Variants in ACSF2 observed in about 807,000 individuals in gnomAD.
ACSF2 encodes medium-chain acyl-CoA ligase ACSF2, mitochondrial.
Under a neutral mutation model 79.3 loss-of-function variants are expected in ACSF2, and 52 were observed. That is an observed-to-expected ratio of 0.66 (90% CI 0.53 to 0.83). The LOEUF is 0.83. Ranked by LOEUF, ACSF2 falls within the 40% of genes least tolerant of loss-of-function variation. The pLI is 0.00. For synonymous variants in ACSF2, 283 were observed against 312.6 expected (o/e 0.91, Z 1.00); for missense variants, 661 against 803.3 (o/e 0.82, Z 2.14).
At chr17:50,433,977 A>G (rs2030175679) in intron 1 of ACSF2, among the ~76,000 whole-genome samples, 1 of 151,794 alleles carries the variant, frequency 6.6e-6, no homozygotes, top group Admixed American at 6.6e-5. Flanking sequence ...CTTCTTATGT[A>G]TTTTCTGTAC....
At chr17:50,428,911 C>A (rs1457698016) in intron 1 of ACSF2, among the ~76,000 whole-genome samples, 1 of 152,250 alleles carries the variant, frequency 6.6e-6, no homozygotes, top group Admixed American at 6.5e-5. Flanking sequence ...CAGTCCTCAC[C>A]CTGCCAGGAA....
intron 1 of ACSF2, among the ~76,000 whole-genome samples, chr17:50,456,230 C>T (rs567906055): frequency 6.6e-6 from 1 of 152,284 alleles, no homozygotes; most frequent in South Asian, 2.1e-4. Flanking sequence ...GAGATCCAAA[C>T]CCCCAGGCTG....
intron 4 of ACSF2, 63 bp from the exon 5 acceptor site, chr17:50,462,121 C>T: frequency 7.0e-7 from 1 of 1,432,374 alleles, no homozygotes. Flanking sequence ...TTAGTGAGGA[C>T]TCCCCCAGAG....
chr17:50,426,313 T>C lies in ACSF2; in HGVS notation c.52T>C (p.Ser18Pro). ...LRLGRLCAGS[S>P]GVLGARAALS... ...CCTGGGGAGGCTGTGCGCCGGGAGC[T>C]CGGGGGTGCTGGGGGCCCGGGCCGC... is the stretch of plus-strand genomic sequence containing the variant. Residue 18 changes from serine to proline, a missense_variant, in exon 1 of 16, where the codon TCG (serine) becomes CCG (proline). By Grantham distance (74) the Ser-to-Pro change is moderately conservative. Coordinates refer to ENST00000300441, the MANE Select transcript of ACSF2 (RefSeq NM_025149.6). 1.4e-6 allele frequency: 2 copies of C among 1,413,928 alleles called. No homozygotes were observed. The highest frequency in any genetic ancestry group is 1.9e-6 in the Non-Finnish European group (2 of 1,077,880). The allele number at this position is 1,413,928 out of a possible 1,614,324, so 87.6% of individuals were successfully genotyped here. A position where few individuals can be genotyped will look rare whatever the true frequency, so the allele number is the denominator to read the frequency against.
chr17:50,457,078 C>T (rs1352958609), intron 1 of ACSF2, among the ~76,000 whole-genome samples: 1 of 151,226 alleles, frequency 6.6e-6, no homozygotes, highest in East Asian at 1.9e-4. Context: ...GACAAACAGA[C>T]AAACAATAAA....
chr17:50,462,782 C>T, intron 6 of ACSF2, 197 bp downstream of exon 6: 1 of 660,104 alleles, frequency 1.5e-6, no homozygotes, highest in Non-Finnish European at 2.5e-6. Context: ...CCCCCGCCCT[C>T]TCCACTCCAG....
At chr17:50,439,275 A>G (rs1383377948) in intron 1 of ACSF2, among the ~76,000 whole-genome samples, 3 of 109,742 alleles carry the variant, frequency 2.7e-5, no homozygotes, top group East Asian at 2.7e-4. Flanking sequence ...TGGTCTTGCT[A>G]TGTTGCCCAG....
At chr17:50,458,988 T>A (rs2032178947) in intron 1 of ACSF2, among the ~76,000 whole-genome samples, 1 of 152,228 alleles carries the variant, frequency 6.6e-6, no homozygotes. Flanking sequence ...TGTGGCTTGT[T>A]CTATCTCTAG....
In ACSF2 at chr17:50,471,064, T is replaced by C; in HGVS notation, c.1252T>C (p.Phe418Leu). Residue 418 changes from phenylalanine (F) to leucine (L), a missense_variant, in exon 11 of 16, where the codon TTC becomes CTC. Transcript: ENST00000300441. The surrounding 1 kb of genome is among the most constrained non-coding windows in gnomAD (Gnocchi z 4.1). ...AACCACAGAGAACAGTCCCGTGACA[T>C]TCGCGCACTTCCCTGAGGACACTGT... Reference protein sequence around the residue: ...YGTTENSPVTFAHFPEDTVEQ... With the variant: ...YGTTENSPVTLAHFPEDTVEQ... The C allele has an allele frequency of 6.2e-7, 1 of 1,614,004 alleles. No homozygotes were observed. The highest frequency in any genetic ancestry group is 2.2e-5 in the East Asian group (1 of 44,874).
At chr17:50,432,806 C>T (rs1171649725) in intron 1 of ACSF2, among the ~76,000 whole-genome samples, 3 of 152,148 alleles carry the variant, frequency 2.0e-5, no homozygotes, top group Non-Finnish European at 2.9e-5. Flanking sequence ...ACTGAACCTC[C>T]GCAGACCTTA....
intron 1 of ACSF2, among the ~76,000 whole-genome samples, chr17:50,428,933 G>A (rs932021054): frequency 1.3e-5 from 2 of 152,244 alleles, no homozygotes; most frequent in Non-Finnish European, 2.9e-5. Context: ...TTGCAGCCTC[G>A]TAGGAGGAGA....
rs1271121020 is a variant in ACSF2, at chr17:50,461,137, C to T, written c.325-105C>T. 57 of 1,530,380 alleles carry T rather than the reference C, an allele frequency of 3.7e-5. 1 individual carries two copies. The South Asian group carries it at 6.7e-4, about 18-fold the overall frequency. The allele number at this position is 1,530,380 out of a possible 1,614,324, so 94.8% of individuals were successfully genotyped here. A position where few individuals can be genotyped will look rare whatever the true frequency, so the allele number is the denominator to read the frequency against. Reference sequence around the variant, plus strand: ...CTGGGAATCTGCCTGTCCCTTTGTCCCCAGTGACTGTGATGAGAACTCCGG... The same window carrying T: ...CTGGGAATCTGCCTGTCCCTTTGTCTCCAGTGACTGTGATGAGAACTCCGG... On this transcript the variant is annotated intron_variant, in intron 2 of 15. Coordinates refer to ENST00000300441, the MANE Select transcript of ACSF2 (RefSeq NM_025149.6).
At chr17:50,448,260 A>C (rs1244597647) in intron 1 of ACSF2, among the ~76,000 whole-genome samples, 1 of 152,220 alleles carries the variant, frequency 6.6e-6, no homozygotes, top group Non-Finnish European at 1.5e-5. Flanking sequence ...ACATATCTAA[A>C]CGTAGAAAAG....
intron 1 of ACSF2, among the ~76,000 whole-genome samples, chr17:50,447,813 C>A (rs983914417): frequency 6.6e-6 from 1 of 152,162 alleles, no homozygotes; most frequent in Non-Finnish European, 1.5e-5. Context: ...GTCTGACTGA[C>A]GCTTGAGGCG....
chr17:50,437,655 CA>C (rs796307844), intron 1 of ACSF2, among the ~76,000 whole-genome samples: 277 of 139,262 alleles, frequency 2.0e-3, no homozygotes, highest in Admixed American at 2.2e-3. Context: ...GACCCTGTCT[CA>C]AAAAAAAAAA....
At chr17:50,447,840 TTC>T (rs2031400452) in intron 1 of ACSF2, among the ~76,000 whole-genome samples, 1 of 152,184 alleles carries the variant, frequency 6.6e-6, no homozygotes, top group Non-Finnish European at 1.5e-5. Context: ...TATAGAGAGA[TTC>T]TCAGCTAGAT....
chr17:50,436,544 C>T (rs941953782), intron 1 of ACSF2, among the ~76,000 whole-genome samples: 5 of 152,152 alleles, frequency 3.3e-5, no homozygotes, highest in African/African-American at 1.2e-4. Flanking sequence ...GTAAGTTTTC[C>T]TGCCTCAGCC....
chr17:50,467,209 T>C (rs1038237819), intron 10 of ACSF2, among the ~76,000 whole-genome samples: 4 of 152,000 alleles, frequency 2.6e-5, no homozygotes, highest in Admixed American at 2.0e-4. Flanking sequence ...AAGGAATGAG[T>C]GAGGATGCAG....
chr17:50,429,294 G>A (rs1478952679), intron 1 of ACSF2, among the ~76,000 whole-genome samples: 1 of 152,148 alleles, frequency 6.6e-6, no homozygotes, highest in Non-Finnish European at 1.5e-5. Context: ...TTCCTTTGAG[G>A]CAGGGCTGAT....
Sources: allele counts gnomAD v4.1 joint callset (sites outside exome capture counted in the v4.1 genomes callset), GRCh38; gene constraint gnomAD v4.1.1; non-coding constraint Gnocchi (gnomAD v3.1); transcripts MANE v1.5; gene names NCBI Gene and HGNC (gene_info 2026-07-23, HGNC 2026-07-21).